The following C10orf90 variants were observed in gnomAD, a reference collection of about 807,000 sequenced individuals.
The protein encoded by C10orf90 is chromosome 10 open reading frame 90.
A neutral mutation model predicts 62.5 loss-of-function variants in C10orf90; 56 were observed. The observed-to-expected ratio is 0.90, with a 90% confidence interval of 0.72 to 1.12. C10orf90 has a LOEUF of 1.12. C10orf90 is among the 50% of genes most tolerant of loss of function. C10orf90 has a pLI of 0.00. For synonymous variants in C10orf90, 386 were observed against 340.4 expected (o/e 1.13, Z -1.47); for missense variants, 970 against 880.4 (o/e 1.10, Z -1.29).
intron 4 of C10orf90, among the ~76,000 whole-genome samples, chr10:126,492,246 G>A (rs1861806736): frequency 6.6e-6 from 1 of 152,166 alleles, no homozygotes; most frequent in Admixed American, 6.5e-5. Flanking sequence ...TTGTGTGCTA[G>A]GGGGAGAAGG....
Position 126,576,714 on chromosome 10 carries a change from TACAA to T in C10orf90, c.314-62779_314-62776del, listed in dbSNP as rs1347939664. ...ACATGTATATGTATATGTATATATA[TACAA>T]GATATACATATATATGTATATGTAT... On this transcript the variant is annotated intron_variant, in intron 2 of 9. Transcript: ENST00000488181. Among the ~76,000 whole-genome samples, 98 of 29,112 alleles carry T rather than the reference TACAA, an allele frequency of 3.4e-3. 6 individuals are homozygous for T. Among genetic ancestry groups the T allele is most frequent in the African/African-American group, 6.6e-3 (36 of 5,446 alleles). The allele number at this position is 29,112 out of a possible 152,430, so 19.1% of individuals were successfully genotyped here.
At chr10:126,562,551 T>C (rs1199303890) in intron 2 of C10orf90, among the ~76,000 whole-genome samples, 2 of 152,202 alleles carry the variant, frequency 1.3e-5, no homozygotes, top group Non-Finnish European at 1.5e-5. Flanking sequence ...ACCTTGCTGA[T>C]ATGCAGATTG....
chr10:126,499,314 A>T (rs1009409545), intron 4 of C10orf90, among the ~76,000 whole-genome samples: 3 of 152,160 alleles, frequency 2.0e-5, no homozygotes, highest in Non-Finnish European at 4.4e-5. Flanking sequence ...AGTAGTTGCT[A>T]CAGAAACCAT....
chr10:126,654,054 G>A (rs958456130), intron 1 of C10orf90, among the ~76,000 whole-genome samples: 1 of 152,076 alleles, frequency 6.6e-6, no homozygotes, highest in Non-Finnish European at 1.5e-5. Flanking sequence ...TGTGATCCAG[G>A]CTTTGTTGTT....
chr10:126,520,414 G>C (rs1863679992), intron 2 of C10orf90: 1 of 152,188 alleles, frequency 6.6e-6, no homozygotes, highest in Non-Finnish European at 1.5e-5. Context: ...GGAGTTCAAG[G>C]AGCCCAGGTT....
intron 7 of C10orf90, among the ~76,000 whole-genome samples, chr10:126,436,542 A>G (rs928260833): frequency 1.3e-5 from 2 of 152,220 alleles, no homozygotes; most frequent in African/African-American, 4.8e-5. Context: ...CTTGTTACGT[A>G]TAAGTCTAAA....
chr10:126,439,092 T>C (rs1858129184), intron 7 of C10orf90, among the ~76,000 whole-genome samples: 1 of 152,172 alleles, frequency 6.6e-6, no homozygotes, highest in Non-Finnish European at 1.5e-5. Flanking sequence ...ATAACGTTCC[T>C]GGTGGTAGAA....
At chr10:126,518,249 C>T (rs1863550375) in intron 2 of C10orf90, among the ~76,000 whole-genome samples, 1 of 152,214 alleles carries the variant, frequency 6.6e-6, no homozygotes, top group Non-Finnish European at 1.5e-5. Context: ...AATTCACATT[C>T]TTGTGTCTCA....
intron 2 of C10orf90, among the ~76,000 whole-genome samples, chr10:126,534,915 C>T (rs886810397): frequency 6.6e-6 from 1 of 152,146 alleles, no homozygotes; most frequent in Non-Finnish European, 1.5e-5. Flanking sequence ...CATTAGCACC[C>T]GCCTCCTGGC....
At chr10:126,449,972 G>T (rs537188374) in intron 7 of C10orf90, among the ~76,000 whole-genome samples, 45 of 147,674 alleles carry the variant, frequency 3.0e-4, no homozygotes, top group African/African-American at 1.1e-3. Context: ...ACTCCAGCCT[G>T]GGTGACAGAG....
intron 5 of C10orf90, among the ~76,000 whole-genome samples, chr10:126,462,035 G>A (rs1288249249): frequency 3.3e-5 from 5 of 152,098 alleles, no homozygotes; most frequent in Admixed American, 6.5e-5. Flanking sequence ...TGCTGGAGAC[G>A]ACCACTGGCT....
chr10:126,480,308 G>A (rs1262994117), intron 4 of C10orf90, among the ~76,000 whole-genome samples: 1 of 152,202 alleles, frequency 6.6e-6, no homozygotes, highest in East Asian at 1.9e-4. Flanking sequence ...TCACTAAAAA[G>A]CAACTGAAAA....
intron 2 of C10orf90, 135 bp downstream of exon 2, chr10:126,646,429 GA>G: frequency 3.8e-6 from 1 of 260,520 alleles, no homozygotes; most frequent in African/African-American, 2.3e-5. Context: ...CAGAGCCACT[GA>G]GCTATCATCT....
chr10:126,540,139 G>A (rs72831279), intron 2 of C10orf90, among the ~76,000 whole-genome samples: 9,953 of 152,160 alleles, frequency 0.065, 405 homozygotes, highest in East Asian at 0.2. Context: ...AAGACCTGCA[G>A]GAAGACATCT....
intron 7 of C10orf90, among the ~76,000 whole-genome samples, chr10:126,434,462 C>T (rs1047080548): frequency 5.9e-5 from 9 of 152,116 alleles, no homozygotes; most frequent in Admixed American, 3.3e-4. Flanking sequence ...CAAGTTCACA[C>T]GATTTATTAG....
intron 4 of C10orf90, among the ~76,000 whole-genome samples, chr10:126,489,840 T>C (rs1023651701): frequency 3.3e-5 from 5 of 150,170 alleles, no homozygotes; most frequent in Non-Finnish European, 7.4e-5. Context: ...CAAGTGTCCA[T>C]CAACAGATGA....
rs574379056 is a variant in C10orf90, at chr10:126,433,367, C to T, written c.2189-3517G>A. ...GACATCAGGAGGGAGTGGTCAGGTC[C>T]ACCAGGGAAGAAGGGCATCTGGGAA... On this transcript the variant is annotated intron_variant, in intron 7 of 9. Coordinates refer to ENST00000488181, the MANE Select transcript of C10orf90 (RefSeq NM_001350921.2). Among the ~76,000 whole-genome samples the T allele has an allele frequency of 1.2e-4, 18 of 152,140 alleles. 1 individual carries two copies. In the South Asian group the frequency reaches 2.7e-3, roughly 23 times the overall value.
intron 2 of C10orf90, among the ~76,000 whole-genome samples, chr10:126,568,234 CCA>C (rs1305423412): frequency 1.3e-5 from 2 of 152,218 alleles, no homozygotes; most frequent in Non-Finnish European, 2.9e-5. Flanking sequence ...GGCTCTGTGT[CCA>C]GAGTCACACA....
intron 2 of C10orf90, among the ~76,000 whole-genome samples, chr10:126,618,810 C>A (rs57177598): frequency 0.048 from 7,380 of 152,278 alleles, 528 homozygotes; most frequent in African/African-American, 0.16. Context: ...TCTGACTTCA[C>A]TCAAAACCAG....
Sources: allele counts gnomAD v4.1 joint callset (sites outside exome capture counted in the v4.1 genomes callset), GRCh38; gene constraint gnomAD v4.1.1; transcripts MANE v1.5; gene names NCBI Gene and HGNC (gene_info 2026-07-23, HGNC 2026-07-21).